Variants in CADM2 observed in about 807,000 individuals in gnomAD.
CADM2 encodes the protein cell adhesion molecule 2.
Under a neutral mutation model 49.8 loss-of-function variants are expected in CADM2, and 12 were observed. The observed-to-expected ratio is 0.24, with a 90% CI of 0.15 to 0.39. CADM2 has a LOEUF of 0.39. CADM2 is among the 10% of genes least tolerant of loss of function. The probability of loss-of-function intolerance (pLI) is 1.00; values close to 1 mark genes in which losing one functional copy is unlikely to be tolerated. For synonymous variants in CADM2, 214 were observed against 175.4 expected, an observed-to-expected ratio of 1.22 and a Z score of -1.74; for missense variants, 378 against 492.3, an observed-to-expected ratio of 0.77 and a Z score of 2.20.
intron 1 of CADM2, among the ~76,000 whole-genome samples, chr3:85,352,255 C>T (rs2031424293): frequency 6.6e-6 from 1 of 152,108 alleles, no homozygotes; most frequent in Admixed American, 6.6e-5. Context: ...GTGTTGTCAT[C>T]TTTTGTATTA....
In CADM2 at chr3:85,018,362, C is replaced by T. The variant is rs7622394; in HGVS notation, c.61+58694C>T. On this transcript the variant is annotated intron_variant, in intron 1 of 9. Coordinates refer to ENST00000383699, the MANE Select transcript of CADM2 (RefSeq NM_001167675.2). Reference sequence around the variant, plus strand: ...ACTACATGCCTGTTGAGGCTTAAAACTGTGAGTTTATTATTTATTTATTTA... The same window carrying T: ...ACTACATGCCTGTTGAGGCTTAAAATTGTGAGTTTATTATTTATTTATTTA... Among the ~76,000 whole-genome samples, 968 of 152,176 alleles carry T rather than the reference C, an allele frequency of 6.4e-3. 16 individuals are homozygous for T. Among genetic ancestry groups the T allele is most frequent in the African/African-American group, 0.022 (926 of 41,524 alleles).
chr3:85,987,101 C>T (rs191360424), intron 8 of CADM2, among the ~76,000 whole-genome samples: 67 of 152,080 alleles, frequency 4.4e-4, no homozygotes, highest in Admixed American at 1.8e-3. Context: ...TGAAGTTGAA[C>T]TCTGACACAA....
At position 85,203,622 on chromosome 3, in the gene CADM2, G is replaced by GA. The variant is rs540036062; in HGVS notation, c.61+243961dup. ...AGATATGAAGTGAGCATATGCTTTT[G>GA]AAAAAAAGCAGTTTGTAGACTTGCT... On this transcript the variant is annotated intron_variant, in intron 1 of 9. Coordinates refer to ENST00000383699, the MANE Select transcript of CADM2 (RefSeq NM_001167675.2). 4.6e-5 allele frequency among the ~76,000 whole-genome samples: 7 copies of GA among 152,194 alleles called. No homozygotes were observed. In the East Asian group the frequency reaches 9.7e-4, roughly 21 times the overall value.
chr3:85,513,928 T>G (rs1401911450), intron 1 of CADM2, among the ~76,000 whole-genome samples: 1 of 152,036 alleles, frequency 6.6e-6, no homozygotes, highest in Non-Finnish European at 1.5e-5. Context: ...CAGAAGAATG[T>G]TATTGTTATT....
Position 85,105,367 on chromosome 3 carries a change from A to C in CADM2, c.61+145699A>C, listed in dbSNP as rs2038175356. ...AAAATGCTCACCATCACTGGCCATC[A>C]GAGAAATGCAAATCAAAACCACAAT... On this transcript the variant is annotated intron_variant, in intron 1 of 9. Transcript: ENST00000383699. 2.0e-5 allele frequency among the ~76,000 whole-genome samples: 3 copies of C among 152,212 alleles called. No individual in the cohort carries two copies. In the South Asian group the frequency reaches 6.2e-4, roughly 32 times the overall value.
chr3:85,245,829 G>A (rs988415747), intron 1 of CADM2, among the ~76,000 whole-genome samples: 15 of 152,024 alleles, frequency 9.9e-5, no homozygotes, highest in Non-Finnish European at 2.2e-4. Flanking sequence ...TTTATATTTG[G>A]CCTCCCAGGA....
chr3:84,972,237 A>G (rs192188628), intron 1 of CADM2, among the ~76,000 whole-genome samples: 40 of 152,352 alleles, frequency 2.6e-4, no homozygotes, highest in African/African-American at 9.1e-4. Flanking sequence ...GAAGGAACTT[A>G]TGGATGATTG....
At chr3:85,236,162 A>G (rs919078426) in intron 1 of CADM2, among the ~76,000 whole-genome samples, 1 of 152,092 alleles carries the variant, frequency 6.6e-6, no homozygotes, top group Admixed American at 6.6e-5. Context: ...CCATCCGTGC[A>G]CTAGCTCCCT....
intron 1 of CADM2, among the ~76,000 whole-genome samples, chr3:85,212,856 T>TCTCTCTCTC (rs2041820963): frequency 7.9e-6 from 1 of 126,014 alleles, no homozygotes; most frequent in African/African-American, 3.5e-5. Flanking sequence ...CTTTCTTTCT[T>TCTCTCTCTC]TCTTTCTTTC....
intron 1 of CADM2, among the ~76,000 whole-genome samples, chr3:85,284,218 T>C (rs2043572633): frequency 6.6e-6 from 1 of 152,136 alleles, no homozygotes. Context: ...TCTAAGAGTT[T>C]GAGGATCTTT....
At chr3:86,014,327 G>A in intron 8 of CADM2, 1 of 1,375,662 alleles carries the variant, frequency 7.3e-7, no homozygotes. Context: ...GAGCCTTTGG[G>A]GAAAATCTCC....
At chr3:85,334,082 T>A (rs2045011535) in intron 1 of CADM2, among the ~76,000 whole-genome samples, 2 of 151,686 alleles carry the variant, frequency 1.3e-5, no homozygotes, top group African/African-American at 4.8e-5. Context: ...AATATTTGCA[T>A]CTGAAGCAAA....
chr3:85,216,438 AC>A (rs1429950576), intron 1 of CADM2, among the ~76,000 whole-genome samples: 3 of 150,450 alleles, frequency 2.0e-5, no homozygotes, highest in Non-Finnish European at 4.4e-5. Flanking sequence ...AATTTAAGGC[AC>A]TCATGCATAA....
chr3:86,032,611 T>C lies in CADM2; in HGVS notation c.971-32994T>C, dbSNP rs149072129. ...TGGAATTGACTTAACTCTATACTTGTAACCATACTTAATGCAGGTTTATTA... is the reference window on the plus strand; with the variant it reads ...TGGAATTGACTTAACTCTATACTTGCAACCATACTTAATGCAGGTTTATTA... On this transcript the variant is annotated intron_variant, in intron 8 of 9. Transcript: ENST00000383699. 2.1e-4 allele frequency among the ~76,000 whole-genome samples: 32 copies of C among 152,018 alleles called. No homozygotes were observed. In the East Asian group the frequency reaches 5.4e-3, roughly 26 times the overall value.
chr3:85,458,127 A>G (rs1040874461), intron 1 of CADM2, among the ~76,000 whole-genome samples: 8 of 152,108 alleles, frequency 5.3e-5, no homozygotes, highest in African/African-American at 1.9e-4. Flanking sequence ...GAACTTCTAA[A>G]ATGCTTTATA....
intron 1 of CADM2, among the ~76,000 whole-genome samples, chr3:85,561,581 C>A (rs1173548148): frequency 6.6e-6 from 1 of 152,048 alleles, no homozygotes; most frequent in African/African-American, 2.4e-5. Flanking sequence ...TTTTATCTTC[C>A]ATGGTAATAG....
intron 1 of CADM2, among the ~76,000 whole-genome samples, chr3:85,579,450 A>G (rs974671777): frequency 7.2e-5 from 11 of 152,106 alleles, no homozygotes; most frequent in African/African-American, 2.7e-4. Flanking sequence ...GTGACCAGCA[A>G]TTTCAACATG....
At chr3:85,411,053 G>C (rs1219692716) in intron 1 of CADM2, among the ~76,000 whole-genome samples, 1 of 152,196 alleles carries the variant, frequency 6.6e-6, no homozygotes, top group African/African-American at 2.4e-5. Flanking sequence ...ACTTTGACTA[G>C]TGCACTCTGA....
intron 1 of CADM2, among the ~76,000 whole-genome samples, chr3:85,603,016 A>T (rs2107407240): frequency 6.6e-6 from 1 of 151,930 alleles, no homozygotes; most frequent in African/African-American, 2.4e-5. Context: ...TATGTACACC[A>T]GGTTATAGTG....
Sources: allele counts gnomAD v4.1 joint callset (sites outside exome capture counted in the v4.1 genomes callset), GRCh38; gene constraint gnomAD v4.1.1; transcripts MANE v1.5; gene names NCBI Gene and HGNC (gene_info 2026-07-23, HGNC 2026-07-21).